The following OPCML variants were observed in gnomAD, a reference collection of about 807,000 sequenced individuals.
OPCML encodes opioid binding protein/cell adhesion molecule like, also known as opioid-binding protein/cell adhesion molecule.
A neutral mutation model predicts 37.8 loss-of-function variants in OPCML; 13 were observed. The observed-to-expected ratio is 0.34, with a 90% CI of 0.22 to 0.55. OPCML has a LOEUF of 0.55. Among genes scored for constraint, OPCML ranks in the 20% least tolerant of loss-of-function variants. The pLI, the probability that OPCML is intolerant of heterozygous loss-of-function variation, is 0.91. For missense variants in OPCML, 341 were observed against 435.6 expected, an observed-to-expected ratio of 0.78 and a Z score of 1.93; for synonymous variants, 176 against 168.8, an observed-to-expected ratio of 1.04 and a Z score of -0.33.
At chr11:132,975,353 A>G (rs1189692790) in intron 1 of OPCML, among the ~76,000 whole-genome samples, 2 of 151,848 alleles carry the variant, frequency 1.3e-5, no homozygotes, top group Non-Finnish European at 2.9e-5. Context: ...CAAATGAACC[A>G]TGCAAAGTTT....
chr11:132,578,221 C>G (rs2096455093), intron 3 of OPCML, among the ~76,000 whole-genome samples: 1 of 152,166 alleles, frequency 6.6e-6, no homozygotes, highest in South Asian at 2.1e-4. Context: ...TCTCCTGTGT[C>G]TGTTTACAGG....
chr11:132,956,103 T>C (rs770838114), intron 1 of OPCML, among the ~76,000 whole-genome samples: 1 of 152,182 alleles, frequency 6.6e-6, no homozygotes, highest in African/African-American at 2.4e-5. Context: ...TAATCAAAGA[T>C]ATTTGTCCAC....
intron 1 of OPCML, among the ~76,000 whole-genome samples, chr11:133,271,869 G>A (rs897138072): frequency 2.0e-5 from 3 of 152,238 alleles, no homozygotes; most frequent in Middle Eastern, 6.8e-3. Flanking sequence ...GTATGCACTC[G>A]GCAGGATGCT....
intron 1 of OPCML, among the ~76,000 whole-genome samples, chr11:133,040,223 T>C (rs1274294557): frequency 6.6e-6 from 1 of 152,082 alleles, no homozygotes; most frequent in East Asian, 1.9e-4. Context: ...AAAAATATTT[T>C]CACCTCTGGA....
rs1208080312 is a variant in OPCML, at chr11:133,205,358, C to T, written c.62-262348G>A. ...CCAGCCGGCTGCTCCCCTGTATCCTCTATTGATACACAGGCAAGTGTATGT... is the reference window on the plus strand; with the variant it reads ...CCAGCCGGCTGCTCCCCTGTATCCTTTATTGATACACAGGCAAGTGTATGT... On this transcript the variant is annotated intron_variant, in intron 1 of 7. Transcript: ENST00000524381. The surrounding 1 kb of genome is among the most constrained non-coding windows in gnomAD (Gnocchi z 4.8). 6.6e-6 allele frequency among the ~76,000 whole-genome samples: 1 copy of T among 152,164 alleles called. No individual in the cohort carries two copies. Among genetic ancestry groups the T allele is most frequent in the Non-Finnish European group, 1.5e-5 (1 of 68,036 alleles).
chr11:133,267,374 C>T (rs1941692542), intron 1 of OPCML, among the ~76,000 whole-genome samples: 1 of 152,156 alleles, frequency 6.6e-6, no homozygotes, highest in Non-Finnish European at 1.5e-5. Flanking sequence ...TGCTCCTGAG[C>T]AAGTTTTCTG....
intron 2 of OPCML, among the ~76,000 whole-genome samples, chr11:132,826,933 T>C (rs960545034): frequency 6.6e-6 from 1 of 152,122 alleles, no homozygotes; most frequent in African/African-American, 2.4e-5. Flanking sequence ...AATATAGGTA[T>C]AAAGGGAAGA....
intron 3 of OPCML, among the ~76,000 whole-genome samples, chr11:132,581,113 A>G (rs1221243747): frequency 6.6e-6 from 1 of 152,158 alleles, no homozygotes; most frequent in Admixed American, 6.6e-5. Context: ...AGCTAGAGGC[A>G]ACCAAGCGTG....
chr11:132,568,475 G>A (rs534031442), intron 3 of OPCML, among the ~76,000 whole-genome samples: 2 of 152,298 alleles, frequency 1.3e-5, no homozygotes, highest in Admixed American at 6.5e-5. Flanking sequence ...TACTGGATTA[G>A]GGTAGGTCCT....
At chr11:133,425,088 G>A (rs1945974307) in intron 1 of OPCML, among the ~76,000 whole-genome samples, 1 of 152,116 alleles carries the variant, frequency 6.6e-6, no homozygotes, top group Admixed American at 6.5e-5. Flanking sequence ...TTCTTAGAAA[G>A]ATAGATTGTT....
chr11:133,165,875 C>G (rs1252124585), intron 1 of OPCML, among the ~76,000 whole-genome samples: 1 of 152,168 alleles, frequency 6.6e-6, no homozygotes, highest in African/African-American at 2.4e-5. Context: ...AGAATCTGAC[C>G]TAGGACACCA....
chr11:132,530,313 A>AT (rs35131297), intron 3 of OPCML, among the ~76,000 whole-genome samples: 3 of 151,898 alleles, frequency 2.0e-5, no homozygotes, highest in Admixed American at 1.3e-4. Flanking sequence ...TTCAACTTAA[A>AT]GGTCAGTATT....
In OPCML at chr11:133,342,545, C is replaced by T. The variant is rs533104926; in HGVS notation, c.61+189719G>A. Among the ~76,000 whole-genome samples the T allele has an allele frequency of 7.9e-5, 12 of 152,312 alleles. No individual in the cohort carries two copies. The East Asian group carries it at 1.7e-3, about 22-fold the overall frequency. On this transcript the variant is annotated intron_variant, in intron 1 of 7. Transcript: ENST00000524381. ...CCCTGCCGCCTACTGATGCCAGACA[C>T]ATAAACAAGGCGGGCTGCAAGTCAT...
chr11:133,000,260 G>A (rs769474915), intron 1 of OPCML, among the ~76,000 whole-genome samples: 33 of 151,986 alleles, frequency 2.2e-4, no homozygotes, highest in South Asian at 8.3e-4. Context: ...TTACAGGCAC[G>A]CACCACCGCA....
chr11:132,999,151 T>A (rs1351234226), intron 1 of OPCML, among the ~76,000 whole-genome samples: 2 of 152,198 alleles, frequency 1.3e-5, no homozygotes, highest in Non-Finnish European at 2.9e-5. Flanking sequence ...TCCTGCCCTA[T>A]CTGGCAGGAG....
chr11:133,261,046 A>G (rs1175086782), intron 1 of OPCML, among the ~76,000 whole-genome samples: 2 of 152,198 alleles, frequency 1.3e-5, no homozygotes, highest in African/African-American at 2.4e-5. Context: ...TCTTTTGTCC[A>G]TCTGACTTCC....
intron 1 of OPCML, among the ~76,000 whole-genome samples, chr11:133,512,077 G>T (rs1286585258): frequency 6.6e-6 from 1 of 152,196 alleles, no homozygotes; most frequent in Non-Finnish European, 1.5e-5. Flanking sequence ...CCAGCTGGGT[G>T]TTCCAAGAGC....
chr11:132,805,027 A>G (rs1356149570), intron 2 of OPCML, among the ~76,000 whole-genome samples: 1 of 152,198 alleles, frequency 6.6e-6, no homozygotes, highest in East Asian at 1.9e-4. Context: ...TGTTCACAAA[A>G]TTATAGGAAA....
chr11:133,388,036 C>T (rs188575930), intron 1 of OPCML, among the ~76,000 whole-genome samples: 2 of 152,090 alleles, frequency 1.3e-5, no homozygotes, highest in Admixed American at 6.5e-5. Flanking sequence ...TCGTATGGGG[C>T]CCTTGAGTCT....
Sources: allele counts gnomAD v4.1 joint callset (sites outside exome capture counted in the v4.1 genomes callset), GRCh38; gene constraint gnomAD v4.1.1; non-coding constraint Gnocchi (gnomAD v3.1); transcripts MANE v1.5; gene names NCBI Gene and HGNC (gene_info 2026-07-23, HGNC 2026-07-21).